The following SHMT2 variants were observed in gnomAD, a reference collection of about 807,000 sequenced individuals.
SHMT2 encodes the protein serine hydroxymethyltransferase 2.
A neutral mutation model predicts 59.6 loss-of-function variants in SHMT2; 38 were observed. That is an observed-to-expected ratio of 0.64 (90% CI 0.49 to 0.84). The LOEUF (loss-of-function observed/expected upper bound fraction) is 0.84. Among genes scored for constraint, SHMT2 ranks in the 40% least tolerant of loss-of-function variants. SHMT2 has a pLI of 0.00. For synonymous variants in SHMT2, 254 were observed against 258.1 expected (o/e 0.98, Z 0.15); for missense variants, 533 against 659.5 (o/e 0.81, Z 2.10).
chr12:57,229,832 G>A (rs748395193), intron 1 of SHMT2, 21 bp downstream of exon 1: 5 of 1,614,044 alleles, frequency 3.1e-6, no homozygotes, highest in Non-Finnish European at 4.2e-6. Context: ...GGCTCCAAAC[G>A]CTGGGTAATC....
At chr12:57,233,157 C>T (rs2037397173) in intron 7 of SHMT2, 23 bp from the exon 8 acceptor site, 1 of 1,521,274 alleles carries the variant, frequency 6.6e-7, no homozygotes. Flanking sequence ...AGCTTAGACT[C>T]TGACCATCCA....
Position 57,232,586 on chromosome 12 carries a change from G to A in SHMT2, c.717+11G>A. The A allele has an allele frequency of 1.2e-6, 2 of 1,614,108 alleles. No homozygotes were observed. Among genetic ancestry groups the A allele is most frequent in the Non-Finnish European group, 1.7e-6 (2 of 1,179,996 alleles). On this transcript the variant is annotated intron_variant, in intron 6 of 11. Coordinates refer to ENST00000328923, the MANE Select transcript of SHMT2 (RefSeq NM_005412.6). ...GCCCGCATGAGAGAGGTTGGTGGGG[G>A]GGGCTGGAGACTGGGCACCTCCCCA...
At position 57,232,712 on chromosome 12, in the gene SHMT2, T is replaced by G. The variant is rs778817041; in HGVS notation, c.726T>G (p.Asp242Glu). 1 of 1,607,260 alleles carries G rather than the reference T, an allele frequency of 6.2e-7. No individual in the cohort carries two copies. Residue 242 changes from aspartate (D) to glutamate (E), a missense_variant, in exon 7 of 12, where the codon GAT (aspartate) becomes GAG (glutamate). Asp to Glu is a conservative substitution (Grantham distance 45). Transcript: ENST00000328923. ...CCTCTGTACCTGCCCAGGTGTGTGA[T>G]GAAGTCAAAGCACACCTGCTGGCAG... ...IDYARMREVC[D>E]EVKAHLLADM...
Position 57,232,550 on chromosome 12 carries a change from T to C in SHMT2, c.692T>C (p.Leu231Pro). ...IIAGTSAYAR[L>P]IDYARMREVC... ...GCTGGCACCAGCGCCTATGCTCGCC[T>C]CATTGACTACGCCCGCATGAGAGAG... The change falls in exon 6 of 12, where the codon CTC becomes CCC. Residue 231 changes from leucine to proline, a missense_variant. Transcript: ENST00000328923. 6.2e-7 allele frequency: 1 copy of C among 1,614,188 alleles called. No homozygotes were observed. Among genetic ancestry groups the C allele is most frequent in the Non-Finnish European group, 8.5e-7 (1 of 1,180,006 alleles).
In SHMT2 at chr12:57,234,220, C is replaced by G; in HGVS notation, c.1388-14C>G. The G allele has an allele frequency of 6.2e-7, 1 of 1,611,658 alleles. No homozygotes were observed. The highest frequency in any genetic ancestry group is 8.5e-7 in the Non-Finnish European group (1 of 1,178,346). The stretch of plus-strand genomic sequence containing the variant: ...AGAGCTCTGACCACTTGTTTCCTCA[C>G]CCTCTCTCTCTAGCCAAGCTCCAGG... On this transcript the variant is annotated splice_polypyrimidine_tract_variant and intron_variant, in intron 11 of 11. Transcript: ENST00000328923.
rs1565770307 is a variant in SHMT2, at chr12:57,231,826, C to A, written c.425C>A (p.Ser142Tyr). Residue 142 changes from serine to tyrosine, a missense_variant, in exon 4 of 12, where the codon TCC becomes TAC. Physicochemically the swap from Ser to Tyr is moderately radical, Grantham distance 144. Coordinates refer to ENST00000328923, the MANE Select transcript of SHMT2 (RefSeq NM_005412.6). ...TGGGGAGTCAATGTCCAGCCCTACT[C>A]CGGGTCCCCAGCCAACCTGGCCGTC... is the stretch of plus-strand genomic sequence containing the variant. ...AQWGVNVQPYSGSPANLAVYT... is the reference protein window; with the variant it reads ...AQWGVNVQPYYGSPANLAVYT... 1 of 1,614,170 alleles carries A rather than the reference C, an allele frequency of 6.2e-7. No individual in the cohort carries two copies. The highest frequency in any genetic ancestry group is 1.1e-5 in the South Asian group (1 of 91,082).
chr12:57,233,637 A>G lies in SHMT2; in HGVS notation c.1098A>G (p.Leu366=), dbSNP rs2037423897. Residue 366 remains leucine, a synonymous_variant, in exon 9 of 12, where the codon CTA becomes CTG. Transcript: ENST00000328923. The part of the protein sequence containing the change: ...KNARAMADAL[L]ERGYSLVSGG... ...CTCGGGCCATGGCAGATGCCCTGCT[A>G]GAGCGAGGCTACTCACTGGTATCAG... 6.2e-7 allele frequency: 1 copy of G among 1,613,984 alleles called. No homozygotes were observed. Among genetic ancestry groups the G allele is most frequent in the South Asian group, 1.1e-5 (1 of 91,074 alleles).
rs1565772867 is a variant in SHMT2 at position 57,233,669 on chromosome 12, C to CAGCA, written c.1123+8_1123+11dup. On this transcript the variant is annotated splice_region_variant and intron_variant, in intron 9 of 11. Coordinates refer to ENST00000328923, the MANE Select transcript of SHMT2 (RefSeq NM_005412.6). ...GGCTACTCACTGGTATCAGGTAAGC[C>CAGCA]AGCAGGTGATGGGTGAGGGCCTCTG... The CAGCA allele has an allele frequency of 3.1e-6, 5 of 1,613,678 alleles. No homozygotes were observed. The highest frequency in any genetic ancestry group is 4.2e-6 in the Non-Finnish European group (5 of 1,179,694).
At chr12:57,230,195 CAT>C in intron 1 of SHMT2, 4 of 1,284,660 alleles carry the variant, frequency 3.1e-6, no homozygotes, top group Middle Eastern at 2.1e-4. Context: ...TCACTGCTTG[CAT>C]CAGGCAGGGG....
Position 57,234,478 on chromosome 12 carries a change from G to A in SHMT2, c.*117G>A. 8.7e-7 allele frequency: 1 copy of A among 1,145,408 alleles called. No homozygotes were observed. 71.0% of individuals were successfully genotyped at this position (1,145,408 alleles called of 1,614,324 possible). A position where few individuals can be genotyped will look rare whatever the true frequency, so the allele number is the denominator to read the frequency against. Reference sequence around the variant, plus strand: ...GCGGGAGGGAAGACCTCTCACTTAGGGCAAGAGCCAGGTATAGTCTCCCTT... The same window carrying A: ...GCGGGAGGGAAGACCTCTCACTTAGAGCAAGAGCCAGGTATAGTCTCCCTT... On this transcript the variant is annotated 3_prime_UTR_variant, in exon 12 of 12. Transcript: ENST00000328923.
chr12:57,230,450 C>T (rs2037266406), intron 1 of SHMT2: 2 of 1,186,356 alleles, frequency 1.7e-6, no homozygotes, highest in Middle Eastern at 3.7e-4. Context: ...TGCAGGAAGA[C>T]CCTCTTGTTC....
rs368976764 is a variant in SHMT2 at position 57,230,474 on chromosome 12, G to A, written c.34-329G>A. The A allele has an allele frequency of 2.5e-4, 301 of 1,220,558 alleles. No individual in the cohort carries two copies. In the African/African-American group the frequency reaches 4.2e-3, roughly 17 times the overall value. The allele number at this position is 1,220,558 out of a possible 1,614,324, so 75.6% of individuals were successfully genotyped here. On this transcript the variant is annotated intron_variant, in intron 1 of 11. Transcript: ENST00000328923. ...ACCCTCTTGTTCCTGTGGGTGGGAA[G>A]GTTCTGGAATCTCAGTTGCCCTCTC...
At chr12:57,233,949 G>T in intron 10 of SHMT2, 45 bp downstream of exon 10, 2 of 1,614,098 alleles carry the variant, frequency 1.2e-6, no homozygotes, top group South Asian at 2.2e-5. Flanking sequence ...CATGCTGGAT[G>T]ACTGCCAGGT....
chr12:57,233,746 T>C lies in SHMT2; in HGVS notation c.1124-3T>C, dbSNP rs377361598. Reference sequence around the variant, plus strand: ...ACCACTCCCCATTTCTTACCCACCTTAGGTGGTACTGACAACCACCTGGTG... The same window carrying C: ...ACCACTCCCCATTTCTTACCCACCTCAGGTGGTACTGACAACCACCTGGTG... On this transcript the variant is annotated splice_region_variant and splice_polypyrimidine_tract_variant and intron_variant, in intron 9 of 11. Transcript: ENST00000328923. The C allele has an allele frequency of 2.8e-5, 45 of 1,614,036 alleles. No homozygotes were observed. Among genetic ancestry groups the C allele is most frequent in the Non-Finnish European group, 3.5e-5 (41 of 1,179,974 alleles).
At position 57,233,036 on chromosome 12, in the gene SHMT2, GC is replaced by G. The variant is rs1014993536; in HGVS notation, c.858-143del. Reference sequence around the variant, plus strand: ...GGGGATTTGTGGATGGGATTGAGGGGCTGATTCCCTCTACCACTGGAATCCA... The same window carrying G: ...GGGGATTTGTGGATGGGATTGAGGGGTGATTCCCTCTACCACTGGAATCCA... On this transcript the variant is annotated intron_variant, in intron 7 of 11. Coordinates refer to ENST00000328923, the MANE Select transcript of SHMT2 (RefSeq NM_005412.6). The G allele has an allele frequency of 3.2e-6, 4 of 1,233,140 alleles. No homozygotes were observed. In the African/African-American group the frequency reaches 6.1e-5, roughly 19 times the overall value. The allele number at this position is 1,233,140 out of a possible 1,614,324, so 76.4% of individuals were successfully genotyped here.
At chr12:57,233,689 C>T in intron 9 of SHMT2, 27 bp downstream of exon 9, 1 of 1,612,850 alleles carries the variant, frequency 6.2e-7, no homozygotes, top group Non-Finnish European at 8.5e-7. Context: ...TGGGTGAGGG[C>T]CTCTGTAGCT....
rs1172673116 is a variant in SHMT2 at position 57,229,908 on chromosome 12, T to C, written c.33+97T>C. Reference sequence around the variant, plus strand: ...CAAACTCTGGGGTTCTCTTGGCTTTTCCATGCACGTGGATTGGGGCCTCAG... The same window carrying C: ...CAAACTCTGGGGTTCTCTTGGCTTTCCCATGCACGTGGATTGGGGCCTCAG... On this transcript the variant is annotated intron_variant, in intron 1 of 11. Transcript: ENST00000328923. 5 of 1,557,408 alleles carry C rather than the reference T, an allele frequency of 3.2e-6. No homozygotes were observed. In the East Asian group the frequency reaches 6.8e-5, roughly 21 times the overall value.
At chr12:57,230,000 T>G (rs1473193394) in intron 1 of SHMT2, 189 bp downstream of exon 1, 21 of 1,437,426 alleles carry the variant, frequency 1.5e-5, no homozygotes, top group Non-Finnish European at 1.8e-5. Flanking sequence ...TGCGAGCCTG[T>G]CCTCATTCTG....
Position 57,231,539 on chromosome 12 carries a change from C to A in SHMT2, c.290C>A (p.Ser97Ter). The part of the protein sequence containing the change: ...ALGSCLNNKY[S>*]EGYPGKRYYG... ...GGGTCCTGTCTGAACAACAAGTACT[C>A]GGAGGGTTATCCTGGCAAGAGGTGA... Residue 97 changes from serine to a stop codon, truncating the protein, a stop_gained, in exon 3 of 12, where the codon TCG becomes TAG. Transcript: ENST00000328923. LOFTEE classifies it high-confidence loss of function. The A allele has an allele frequency of 1.2e-6, 2 of 1,614,186 alleles. No individual in the cohort carries two copies. Among genetic ancestry groups the A allele is most frequent in the Non-Finnish European group, 1.7e-6 (2 of 1,180,030 alleles).
Sources: gnomAD v4.1 joint callset for allele counts on GRCh38, gnomAD v4.1.1 for gene constraint, MANE v1.5 for transcripts, NCBI Gene and HGNC (gene_info 2026-07-23, HGNC 2026-07-21) for gene names.